The following MPP7 variants were observed in gnomAD, a reference collection of about 807,000 sequenced individuals.
The protein encoded by MPP7 is MAGUK p55 scaffold protein 7, also known as MAGUK p55 subfamily member 7.
In MPP7, 60 loss-of-function variants were observed where a neutral mutation model predicts 76.5. That is an observed-to-expected ratio of 0.78 (90% CI 0.64 to 0.97). The LOEUF (loss-of-function observed/expected upper bound fraction) is 0.97, where lower values mean the gene tolerates loss of function less well. Among genes scored for constraint, MPP7 ranks in the 50% least tolerant of loss-of-function variants. The pLI, the probability that MPP7 is intolerant of heterozygous loss-of-function variation, is 0.00. For missense variants in MPP7, 641 were observed against 694.0 expected, an observed-to-expected ratio of 0.92 and a Z score of 0.86; for synonymous variants, 237 against 244.5, an observed-to-expected ratio of 0.97 and a Z score of 0.29.
chr10:28,202,018 C>T, intron 3 of MPP7, 135 bp downstream of exon 3: 1 of 666,834 alleles, frequency 1.5e-6, no homozygotes, highest in Non-Finnish European at 2.7e-6. Flanking sequence ...TAACAACTTC[C>T]ACGCCCGTCG....
chr10:28,275,708 C>CCAAAGCTTT (rs1840473735), intron 1 of MPP7, among the ~76,000 whole-genome samples: 9 of 151,690 alleles, frequency 5.9e-5, no homozygotes, highest in African/African-American at 1.9e-4. Flanking sequence ...TGCCCAACCC[C>CCAAAGCTTT]TTCCTAATAT....
In MPP7 at chr10:28,052,563, A is replaced by T. The variant is rs558105618; in HGVS notation, c.*1502T>A. 1.3e-5 allele frequency: 2 copies of T among 152,674 alleles called. No homozygotes were observed. The highest frequency in any genetic ancestry group is 4.8e-5 in the African/African-American group (2 of 41,456). The allele number at this position is 152,674 out of a possible 1,614,324, so 9.5% of individuals were successfully genotyped here. A position where few individuals can be genotyped will look rare whatever the true frequency, so the allele number is the denominator to read the frequency against. On this transcript the variant is annotated 3_prime_UTR_variant, in exon 17 of 17. Coordinates refer to ENST00000683449, the MANE Select transcript of MPP7 (RefSeq NM_001318170.2). ...ATCGCACACTTGGATCTATCTTTGTAAAGCTCAAATATTTACATGGAATGT... is the reference window on the plus strand; with the variant it reads ...ATCGCACACTTGGATCTATCTTTGTTAAGCTCAAATATTTACATGGAATGT...
At chr10:28,082,611 C>T (rs1451042450) in intron 12 of MPP7, among the ~76,000 whole-genome samples, 1 of 152,138 alleles carries the variant, frequency 6.6e-6, no homozygotes, top group Non-Finnish European at 1.5e-5. Flanking sequence ...CACACACCAC[C>T]TTGCCTGGCT....
At chr10:28,311,028 G>C (rs1330351492) in intron 2 of MPP7, among the ~76,000 whole-genome samples, 1 of 151,942 alleles carries the variant, frequency 6.6e-6, no homozygotes, top group African/African-American at 2.4e-5. Flanking sequence ...ATTCACTATG[G>C]GATCCCCAGT....
intron 3 of MPP7, among the ~76,000 whole-genome samples, chr10:28,165,668 C>T (rs1046120084): frequency 2.0e-5 from 3 of 152,038 alleles, no homozygotes; most frequent in Admixed American, 6.6e-5. Flanking sequence ...TGACATCTTC[C>T]AAAAATCATT....
rs550877200 is a variant in MPP7 at position 28,052,975 on chromosome 10, T to C, written c.*1090A>G. On this transcript the variant is annotated 3_prime_UTR_variant, in exon 17 of 17. Coordinates refer to ENST00000683449, the MANE Select transcript of MPP7 (RefSeq NM_001318170.2). ...AGAGAACCCATCTAAATATTTACAA[T>C]ATAAGAGTCTTTCCTAAACTTCTTT... is the stretch of plus-strand genomic sequence containing the variant. 5.9e-5 allele frequency: 9 copies of C among 152,282 alleles called. No individual in the cohort carries two copies. The highest frequency in any genetic ancestry group is 1.9e-4 in the African/African-American group (8 of 41,570). The allele number at this position is 152,282 out of a possible 1,614,324, so 9.4% of individuals were successfully genotyped here.
intron 11 of MPP7, among the ~76,000 whole-genome samples, chr10:28,111,268 C>G (rs1031577085): frequency 6.6e-6 from 1 of 151,680 alleles, no homozygotes; most frequent in African/African-American, 2.4e-5. Flanking sequence ...AAGGAAAAAA[C>G]AAATGTATTT....
chr10:28,199,496 G>A (rs1202431309), intron 3 of MPP7, among the ~76,000 whole-genome samples: 2 of 152,096 alleles, frequency 1.3e-5, no homozygotes, highest in African/African-American at 4.8e-5. Flanking sequence ...ATACCCCAAG[G>A]TGGCTGAATC....
intron 1 of MPP7, among the ~76,000 whole-genome samples, chr10:28,274,328 T>C (rs1840425103): frequency 6.6e-6 from 1 of 151,468 alleles, no homozygotes; most frequent in African/African-American, 2.4e-5. Flanking sequence ...CTCAAGCTCC[T>C]GACCTCGTGA....
At chr10:28,137,667 A>T (rs1195276059) in intron 5 of MPP7, among the ~76,000 whole-genome samples, 1 of 152,180 alleles carries the variant, frequency 6.6e-6, no homozygotes, top group African/African-American at 2.4e-5. Context: ...GGACAACTAA[A>T]ATTTTGCATT....
intron 2 of MPP7, among the ~76,000 whole-genome samples, chr10:28,235,337 G>T (rs7089437): frequency 0.09 from 13,640 of 151,984 alleles, 696 homozygotes; most frequent in Non-Finnish European, 0.12. Flanking sequence ...AATAACAGGG[G>T]AAACTAAGGC....
At chr10:28,114,126 T>C (rs1459703036) in intron 11 of MPP7, among the ~76,000 whole-genome samples, 1 of 152,102 alleles carries the variant, frequency 6.6e-6, no homozygotes, top group African/African-American at 2.4e-5. Context: ...AAAAGATGAA[T>C]GTGGCTGAGC....
intron 3 of MPP7, among the ~76,000 whole-genome samples, chr10:28,159,926 G>A (rs1251330076): frequency 6.6e-6 from 1 of 152,004 alleles, no homozygotes; most frequent in Non-Finnish European, 1.5e-5. Context: ...ACAACAAAAA[G>A]CCACACATTA....
At chr10:28,161,245 A>G (rs941119760) in intron 3 of MPP7, among the ~76,000 whole-genome samples, 1 of 152,148 alleles carries the variant, frequency 6.6e-6, no homozygotes, top group Non-Finnish European at 1.5e-5. Context: ...GTATAATAAC[A>G]TAAAATGTAA....
intron 2 of MPP7, among the ~76,000 whole-genome samples, chr10:28,219,621 T>C (rs1838429961): frequency 6.6e-6 from 1 of 152,148 alleles, no homozygotes; most frequent in Non-Finnish European, 1.5e-5. Flanking sequence ...AGAAGTCATA[T>C]GGAAAAAGAC....
chr10:28,075,599 C>T (rs908094628), intron 12 of MPP7, among the ~76,000 whole-genome samples: 4 of 152,116 alleles, frequency 2.6e-5, no homozygotes, highest in African/African-American at 9.7e-5. Context: ...CTTCCTGAAA[C>T]GTGGCCACTT....
intron 6 of MPP7, among the ~76,000 whole-genome samples, chr10:28,130,998 T>C (rs1009772445): frequency 6.6e-6 from 1 of 152,098 alleles, no homozygotes; most frequent in Non-Finnish European, 1.5e-5. Context: ...CCATTAGAGG[T>C]TCTATTTTTC....
intron 1 of MPP7, among the ~76,000 whole-genome samples, chr10:28,301,127 T>C: frequency 6.6e-6 from 1 of 152,186 alleles, no homozygotes; most frequent in East Asian, 1.9e-4. Flanking sequence ...CAAACTCCTT[T>C]GGTCAAGTTA....
At chr10:28,075,854 T>C (rs1852459103) in intron 12 of MPP7, among the ~76,000 whole-genome samples, 1 of 152,196 alleles carries the variant, frequency 6.6e-6, no homozygotes, top group East Asian at 1.9e-4. Flanking sequence ...TAACAGACCG[T>C]GAGTTCTGTG....
Sources: gnomAD v4.1 joint callset for allele counts (sites outside exome capture counted in the v4.1 genomes callset) on GRCh38, gnomAD v4.1.1 for gene constraint, MANE v1.5 for transcripts, NCBI Gene and HGNC (gene_info 2026-07-23, HGNC 2026-07-21) for gene names.